Variants in IQCM observed in about 807,000 individuals in gnomAD.
The protein encoded by IQCM is IQ domain-containing protein M.
In IQCM, 45 loss-of-function variants were observed where a neutral mutation model predicts 57.6. The ratio of observed to expected loss-of-function variants is 0.78; its 90% CI spans 0.62 to 1.00. The LOEUF (loss-of-function observed/expected upper bound fraction) is 1.00, where lower values mean the gene tolerates loss of function less well. Among genes scored for constraint, IQCM ranks in the 50% least tolerant of loss-of-function variants. IQCM has a pLI of 0.00. For missense variants in IQCM, 468 were observed against 511.6 expected, an observed-to-expected ratio of 0.91 and a Z score of 0.82; for synonymous variants, 148 against 158.9, an observed-to-expected ratio of 0.93 and a Z score of 0.51.
intron 12 of IQCM, among the ~76,000 whole-genome samples, chr4:149,454,666 T>C (rs1485749345): frequency 2.0e-5 from 3 of 151,982 alleles, no homozygotes; most frequent in Non-Finnish European, 4.4e-5. Context: ...GGAATATTAT[T>C]TGGTAATAAA....
intron 2 of IQCM, among the ~76,000 whole-genome samples, chr4:149,811,579 T>C (rs1358551233): frequency 6.6e-6 from 1 of 152,164 alleles, no homozygotes; most frequent in Admixed American, 6.5e-5. Context: ...TTTCCCTGCT[T>C]CTCTTTCTCT....
intron 5 of IQCM, among the ~76,000 whole-genome samples, chr4:149,712,732 T>C (rs912121795): frequency 2.6e-5 from 4 of 152,168 alleles, no homozygotes; most frequent in African/African-American, 7.2e-5. Flanking sequence ...CTCTCCAGAA[T>C]GGTAATAAGA....
intron 8 of IQCM, among the ~76,000 whole-genome samples, chr4:149,592,213 G>A (rs1753256948): frequency 6.6e-6 from 1 of 152,138 alleles, no homozygotes; most frequent in African/African-American, 2.4e-5. Flanking sequence ...CAGTGATGAT[G>A]AGCATTTTTT....
chr4:149,385,031 G>A (rs1040638472), intron 13 of IQCM, among the ~76,000 whole-genome samples: 1 of 152,112 alleles, frequency 6.6e-6, no homozygotes, highest in Admixed American at 6.6e-5. Flanking sequence ...GTATTGAGGT[G>A]ATGATGAGGT....
At chr4:149,402,632 A>G (rs984124170) in intron 13 of IQCM, among the ~76,000 whole-genome samples, 4 of 151,794 alleles carry the variant, frequency 2.6e-5, no homozygotes, top group Non-Finnish European at 5.9e-5. Context: ...TGACATAATC[A>G]TGTTGGGGAT....
In IQCM at chr4:149,621,261, T is replaced by G. The variant is rs1404304906; in HGVS notation, c.566-17A>C. On this transcript the variant is annotated splice_polypyrimidine_tract_variant and intron_variant, in intron 7 of 13. Coordinates refer to ENST00000636793, the MANE Select transcript of IQCM (RefSeq NM_001363507.2). ...ATGCTTTGTCTGTTAGAAATATCAA[T>G]GCAGGTTAAAACAATATCTATCCAG... The G allele has an allele frequency of 1.5e-5, 17 of 1,151,024 alleles. No homozygotes were observed. Among genetic ancestry groups the G allele is most frequent in the Non-Finnish European group, 1.9e-5 (17 of 913,952 alleles). The allele number at this position is 1,151,024 out of a possible 1,614,324, so 71.3% of individuals were successfully genotyped here. A position where few individuals can be genotyped will look rare whatever the true frequency, so the allele number is the denominator to read the frequency against.
intron 8 of IQCM, among the ~76,000 whole-genome samples, chr4:149,619,723 T>G (rs1756150719): frequency 6.6e-6 from 1 of 152,232 alleles, no homozygotes; most frequent in Non-Finnish European, 1.5e-5. Context: ...TGTGTCCCTT[T>G]GAAATTCATA....
chr4:149,374,383 A>C (rs1001437391), intron 13 of IQCM, among the ~76,000 whole-genome samples: 2 of 152,128 alleles, frequency 1.3e-5, no homozygotes, highest in Non-Finnish European at 2.9e-5. Context: ...AAGTTCTTGT[A>C]GCTAATGCTT....
At chr4:149,476,803 C>T (rs893626632) in intron 12 of IQCM, among the ~76,000 whole-genome samples, 9 of 152,064 alleles carry the variant, frequency 5.9e-5, no homozygotes, top group Non-Finnish European at 1.5e-5. Context: ...GGAGGGTAAA[C>T]TTGCCCATTC....
At chr4:149,566,335 T>C (rs1193713294) in intron 9 of IQCM, among the ~76,000 whole-genome samples, 1 of 152,174 alleles carries the variant, frequency 6.6e-6, no homozygotes, top group Non-Finnish European at 1.5e-5. Context: ...TTTCATGTTC[T>C]AACAAGATGC....
chr4:149,591,837 T>A (rs1286023588), intron 8 of IQCM, among the ~76,000 whole-genome samples: 1 of 152,204 alleles, frequency 6.6e-6, no homozygotes, highest in Non-Finnish European at 1.5e-5. Flanking sequence ...CACATTTCCT[T>A]AATCCAGTCT....
chr4:149,697,225 C>T (rs983037441), intron 5 of IQCM, among the ~76,000 whole-genome samples: 3 of 152,052 alleles, frequency 2.0e-5, no homozygotes, highest in African/African-American at 7.2e-5. Context: ...TACACTGCAG[C>T]CACAATGTTT....
At chr4:149,499,069 A>T (rs2149789150) in intron 12 of IQCM, among the ~76,000 whole-genome samples, 1 of 152,316 alleles carries the variant, frequency 6.6e-6, no homozygotes, top group African/African-American at 2.4e-5. Flanking sequence ...TTTACAAGTG[A>T]TATATAAATA....
chr4:149,364,964 G>A (rs1578804024), intron 13 of IQCM, among the ~76,000 whole-genome samples: 1 of 151,916 alleles, frequency 6.6e-6, no homozygotes, highest in Non-Finnish European at 1.5e-5. Flanking sequence ...CATGGATACA[G>A]ATGGATTATA....
intron 2 of IQCM, among the ~76,000 whole-genome samples, chr4:149,755,025 T>C (rs201968120): frequency 1.3e-5 from 2 of 152,206 alleles, no homozygotes; most frequent in East Asian, 3.8e-4. Context: ...CTCTTCTCTG[T>C]TTTGTACATT....
chr4:149,710,564 T>C (rs1480964398), intron 5 of IQCM, among the ~76,000 whole-genome samples: 1 of 152,026 alleles, frequency 6.6e-6, no homozygotes, highest in Middle Eastern at 3.2e-3. Context: ...CATTAATAAA[T>C]GTGGTATTGT....
At chr4:149,507,635 G>A (rs1344057061) in intron 12 of IQCM, among the ~76,000 whole-genome samples, 1 of 151,664 alleles carries the variant, frequency 6.6e-6, no homozygotes, top group East Asian at 1.9e-4. Flanking sequence ...TTCAAGAGGT[G>A]ACTTGGGTAC....
intron 12 of IQCM, among the ~76,000 whole-genome samples, chr4:149,442,029 A>T (rs1156297879): frequency 6.6e-6 from 1 of 152,104 alleles, no homozygotes; most frequent in Non-Finnish European, 1.5e-5. Context: ...AATTGTGAGA[A>T]AATACCTATC....
chr4:149,355,109 C>T (rs1728865664), intron 13 of IQCM, among the ~76,000 whole-genome samples: 1 of 151,910 alleles, frequency 6.6e-6, no homozygotes, highest in Admixed American at 6.6e-5. Context: ...ATAAAATAAG[C>T]TTTTTAAAGA....
Sources: allele counts gnomAD v4.1 joint callset (sites outside exome capture counted in the v4.1 genomes callset), GRCh38; gene constraint gnomAD v4.1.1; transcripts MANE v1.5; gene names NCBI Gene and HGNC (gene_info 2026-07-23, HGNC 2026-07-21).